The following TRIM8 variants were observed in gnomAD, a reference collection of about 807,000 sequenced individuals.
The protein encoded by TRIM8 is tripartite motif containing 8, also known as E3 ubiquitin-protein ligase TRIM8.
In TRIM8, 9 loss-of-function variants were observed where a neutral mutation model predicts 55.7. The observed-to-expected ratio is 0.16, with a 90% CI of 0.10 to 0.28. TRIM8 has a LOEUF of 0.28. TRIM8 is among the 10% of genes least tolerant of loss of function. The pLI, the probability that TRIM8 is intolerant of heterozygous loss-of-function variation, is 1.00. For synonymous variants in TRIM8, 335 were observed against 333.3 expected, an observed-to-expected ratio of 1.01 and a Z score of -0.06; for missense variants, 556 against 736.4, an observed-to-expected ratio of 0.76 and a Z score of 2.83.
rs745352731 is a variant in TRIM8 at position 102,645,071 on chromosome 10, C to A, written c.454C>A (p.Arg152Ser). ...AWSCPQHNAY[R>S]LYHCEAEQVA... The stretch of plus-strand genomic sequence containing the variant: ...GAGCTGCCCGCAGCACAACGCCTAC[C>A]GCCTCTACCACTGCGAGGCCGAGCA... The change falls in exon 1 of 6, where the codon CGC (arginine) becomes AGC (serine). Residue 152 changes from arginine to serine, a missense_variant. This residue lies in a region of TRIM8 where 165 missense variants were observed against 295.3 expected (regional missense o/e 0.56). Coordinates refer to ENST00000643721, the MANE Select transcript of TRIM8 (RefSeq NM_030912.3). The A allele has an allele frequency of 6.3e-7, 1 of 1,594,068 alleles. No individual in the cohort carries two copies.
rs780071940 is a variant in TRIM8 at position 102,655,274 on chromosome 10, G to C, written c.861G>C (p.Gln287His). 32 of 1,603,618 alleles carry C rather than the reference G, an allele frequency of 2.0e-5. No homozygotes were observed. The highest frequency in any genetic ancestry group is 2.6e-5 in the Non-Finnish European group (31 of 1,177,276). Residue 287 changes from glutamine to histidine, a missense_variant, in exon 3 of 6, where the codon CAG becomes CAC. Gln to His is a conservative substitution (Grantham distance 24). Around this residue, in one of 2 missense-constraint regions of TRIM8, gnomAD observed 391 missense variants for 441.0 expected, o/e 0.89. Transcript: ENST00000643721. ...CCAAGAAGCTGCTGGGCTCCCTGCA[G>C]CTGCTCTTTGATAAGACGGAGGATG... The part of the protein sequence containing the change: ...QEAKKLLGSL[Q>H]LLFDKTEDVS...
In TRIM8 at chr10:102,655,460, A is replaced by T. The variant is rs1448096974; in HGVS notation, c.900+147A>T. The T allele has an allele frequency of 2.4e-5, 19 of 783,692 alleles. No homozygotes were observed. The East Asian group carries it at 4.1e-4, about 17-fold the overall frequency. 48.5% of individuals were successfully genotyped at this position (783,692 alleles called of 1,614,324 possible). Reference sequence around the variant, plus strand: ...AATCCACCTGCCTGCTCTTTCTAGCACTGTGACCTTGGGCAAGTCATAGGT... The same window carrying T: ...AATCCACCTGCCTGCTCTTTCTAGCTCTGTGACCTTGGGCAAGTCATAGGT... On this transcript the variant is annotated intron_variant, in intron 3 of 5. Transcript: ENST00000643721.
At chr10:102,654,560 G>A in intron 1 of TRIM8, 93 bp from the exon 2 acceptor site, 1 of 1,017,360 alleles carries the variant, frequency 9.8e-7, no homozygotes, top group Non-Finnish European at 1.6e-6. Flanking sequence ...TCGGGTCAAA[G>A]GATCCATAGG....
intron 1 of TRIM8, among the ~76,000 whole-genome samples, chr10:102,650,432 T>C (rs190103049): frequency 4.6e-5 from 7 of 152,198 alleles, no homozygotes; most frequent in Admixed American, 1.3e-4. Flanking sequence ...TTTGTCCTCA[T>C]AGGCCCCGGG....
chr10:102,648,951 T>A (rs543459172), intron 1 of TRIM8, among the ~76,000 whole-genome samples: 2 of 152,074 alleles, frequency 1.3e-5, no homozygotes, highest in African/African-American at 2.4e-5. Flanking sequence ...CCTGCTGACA[T>A]GGCCAGGCAC....
intron 3 of TRIM8, 113 bp downstream of exon 3, chr10:102,655,426 A>G (rs934115449): frequency 2.0e-6 from 2 of 982,586 alleles, no homozygotes; most frequent in Non-Finnish European, 3.1e-6. Flanking sequence ...GCCAGCATGC[A>G]TGGGTTCAAA....
chr10:102,645,027 C>T lies in TRIM8; in HGVS notation c.410C>T (p.Ala137Val). Residue 137 changes from alanine (A) to valine (V), a missense_variant, in exon 1 of 6, where the codon GCG becomes GTG. Physicochemically the swap from Ala to Val is moderately conservative, Grantham distance 64. This residue lies in a region of TRIM8 where 165 missense variants were observed against 295.3 expected (regional missense o/e 0.56). Coordinates refer to ENST00000643721, the MANE Select transcript of TRIM8 (RefSeq NM_030912.3). Reference protein sequence around the residue: ...STARGHLLVEADDVRAWSCPQ... With the variant: ...STARGHLLVEVDDVRAWSCPQ... ...GCCCGCGGGCACCTCCTGGTGGAGG[C>T]GGACGACGTGCGGGCCTGGAGCTGC... 6.3e-7 allele frequency: 1 copy of T among 1,593,768 alleles called. No individual in the cohort carries two copies.
In TRIM8 at chr10:102,657,137, A is replaced by C. The variant is rs868142723; in HGVS notation, c.1439A>C (p.Asn480Thr). 4 of 1,613,882 alleles carry C rather than the reference A, an allele frequency of 2.5e-6. No individual in the cohort carries two copies. The highest frequency in any genetic ancestry group is 2.5e-6 in the Non-Finnish European group (3 of 1,179,998). The part of the protein sequence containing the change: ...VDNCYCSSVA[N>T]HGGHQPYPRS... ...AACTGTTACTGTTCTTCCGTGGCCA[A>C]CCATGGCGGCCACCAGCCCTACCCC... Residue 480 changes from asparagine to threonine, a missense_variant, in exon 6 of 6, where the codon AAC becomes ACC. Asn to Thr is a moderately conservative substitution (Grantham distance 65). This residue lies in a region of TRIM8 where 391 missense variants were observed against 441.0 expected (regional missense o/e 0.89). Transcript: ENST00000643721.
chr10:102,646,119 C>T (rs567372480), intron 1 of TRIM8, among the ~76,000 whole-genome samples: 1 of 152,356 alleles, frequency 6.6e-6, no homozygotes, highest in South Asian at 2.1e-4. Flanking sequence ...CGCCTCCCCC[C>T]TCAGGCCTCT....
Position 102,656,064 on chromosome 10 carries a change from A to C in TRIM8, c.901-42A>C, listed in dbSNP as rs77308618. Reference sequence around the variant, plus strand: ...TCCCCTCTCCCCGGGCTCTCCCTGGACTGCCTTTTCCACTGACTTGACTCT... The same window carrying C: ...TCCCCTCTCCCCGGGCTCTCCCTGGCCTGCCTTTTCCACTGACTTGACTCT... On this transcript the variant is annotated intron_variant, in intron 3 of 5. Transcript: ENST00000643721. This position sits in a 1 kb window ranked among gnomAD's most constrained non-coding sequence, Gnocchi z 4.6. 0.046 allele frequency: 38,634 copies of C among 842,662 alleles called. 580 individuals are homozygous for C. The highest frequency in any genetic ancestry group is 0.056 in the Non-Finnish European group (33,120 of 596,006). The allele number at this position is 842,662 out of a possible 1,614,324, so 52.2% of individuals were successfully genotyped here.
chr10:102,652,957 C>A (rs2063996697), intron 1 of TRIM8, among the ~76,000 whole-genome samples: 1 of 152,146 alleles, frequency 6.6e-6, no homozygotes, highest in South Asian at 2.1e-4. Flanking sequence ...GCATGCACCA[C>A]CTTGCCCAGC....
Position 102,657,383 on chromosome 10 carries a change from A to T in TRIM8, c.*29A>T. ...CACGCAGGCGGCGGGGCGCTGGGGA[A>T]TCTTCCTCCCCAGCCCCCGGGCTCG... On this transcript the variant is annotated 3_prime_UTR_variant, in exon 6 of 6. Coordinates refer to ENST00000643721, the MANE Select transcript of TRIM8 (RefSeq NM_030912.3). 1 of 1,528,614 alleles carries T rather than the reference A, an allele frequency of 6.5e-7. No individual in the cohort carries two copies. Among genetic ancestry groups the T allele is most frequent in the Non-Finnish European group, 8.8e-7 (1 of 1,136,364 alleles). The allele number at this position is 1,528,614 out of a possible 1,614,324, so 94.7% of individuals were successfully genotyped here. A position where few individuals can be genotyped will look rare whatever the true frequency, so the allele number is the denominator to read the frequency against.
chr10:102,644,606 C>T lies in TRIM8; in HGVS notation c.-12C>T, dbSNP rs1450433237. The T allele has an allele frequency of 6.2e-7, 1 of 1,609,570 alleles. No homozygotes were observed. Among genetic ancestry groups the T allele is most frequent in the South Asian group, 1.1e-5 (1 of 90,784 alleles). ...CGGGGAGGCCTGCCCCGGCCCCCTG[C>T]CCGCGGCCGCCATGGCGGAGAATTG... On this transcript the variant is annotated 5_prime_UTR_variant, in exon 1 of 6. Transcript: ENST00000643721.
At chr10:102,653,930 C>T (rs2064003872) in intron 1 of TRIM8, 1 of 152,266 alleles carries the variant, frequency 6.6e-6, no homozygotes, top group South Asian at 2.1e-4. Context: ...GCCAGATCAC[C>T]TGTGTTTGTG....
In TRIM8 at chr10:102,644,971, C is replaced by T. The variant is rs774633423; in HGVS notation, c.354C>T (p.His118=). Residue 118 remains histidine (H), a synonymous_variant, in exon 1 of 6, where the codon CAC becomes CAT. Coordinates refer to ENST00000643721, the MANE Select transcript of TRIM8 (RefSeq NM_030912.3). The part of the protein sequence containing the change: ...LRCEAPCCQS[H]VQTHLQQPST... ...GCGAGGCGCCCTGCTGCCAGTCCCA[C>T]GTGCAGACGCACCTGCAGCAGCCCT... 8 of 1,598,550 alleles carry T rather than the reference C, an allele frequency of 5.0e-6. No individual in the cohort carries two copies. In the East Asian group the frequency reaches 6.8e-5, roughly 14 times the overall value.
At chr10:102,647,514 C>T (rs1280927905) in intron 1 of TRIM8, among the ~76,000 whole-genome samples, 1 of 152,136 alleles carries the variant, frequency 6.6e-6, no homozygotes, top group Admixed American at 6.5e-5. Flanking sequence ...GAATAGGGGC[C>T]CTGCCTGCCC....
At chr10:102,646,969 G>T (rs2063941315) in intron 1 of TRIM8, among the ~76,000 whole-genome samples, 1 of 152,228 alleles carries the variant, frequency 6.6e-6, no homozygotes, top group African/African-American at 2.4e-5. Context: ...GGGTGGGGGA[G>T]AAAACGTCAT....
intron 1 of TRIM8, among the ~76,000 whole-genome samples, chr10:102,653,110 T>G (rs2063997903): frequency 6.6e-6 from 1 of 152,240 alleles, no homozygotes; most frequent in South Asian, 2.1e-4. Context: ...TATTTTTTAT[T>G]TTTTGTTAAC....
At position 102,644,528 on chromosome 10, in the gene TRIM8, C is replaced by T. The variant is rs139837778; in HGVS notation, c.-90C>T. 3 of 1,284,246 alleles carry T rather than the reference C, an allele frequency of 2.3e-6. No individual in the cohort carries two copies. Among genetic ancestry groups the T allele is most frequent in the East Asian group, 2.7e-5 (1 of 36,678 alleles). The allele number at this position is 1,284,246 out of a possible 1,614,324, so 79.6% of individuals were successfully genotyped here. Reference sequence around the variant, plus strand: ...GTCGGGGCCGGCTGGGGCCGGAGCTCGGGGCTCGGTGGGCCTACAGCGGCT... The same window carrying T: ...GTCGGGGCCGGCTGGGGCCGGAGCTTGGGGCTCGGTGGGCCTACAGCGGCT... On this transcript the variant is annotated 5_prime_UTR_variant, in exon 1 of 6. Transcript: ENST00000643721.
Sources: gnomAD v4.1 joint callset for allele counts (sites outside exome capture counted in the v4.1 genomes callset) on GRCh38, gnomAD v4.1.1 for gene constraint, gnomAD v4.1.1 regional missense constraint, Gnocchi (gnomAD v3.1) non-coding constraint, MANE v1.5 for transcripts, NCBI Gene and HGNC (gene_info 2026-07-23, HGNC 2026-07-21) for gene names.